HOXB3: variants seen among roughly 807,000 people sequenced by gnomAD.
The protein encoded by HOXB3 is homeobox protein Hox-B3.
Under a neutral mutation model 29.2 loss-of-function variants are expected in HOXB3, and 17 were observed. The ratio of observed to expected loss-of-function variants is 0.58; its 90% confidence interval spans 0.40 to 0.87. The LOEUF (loss-of-function observed/expected upper bound fraction) is 0.87, where lower values mean the gene tolerates loss of function less well. HOXB3 is among the 40% of genes least tolerant of loss of function. HOXB3 has a pLI of 0.00. For synonymous variants in HOXB3, 317 were observed against 285.9 expected, an observed-to-expected ratio of 1.11 and a Z score of -1.10; for missense variants, 637 against 616.3, an observed-to-expected ratio of 1.03 and a Z score of -0.35.
At chr17:48,565,792 T>A (rs891089793) in intron 2 of HOXB3, among the ~76,000 whole-genome samples, 1 of 152,194 alleles carries the variant, frequency 6.6e-6, no homozygotes, top group South Asian at 2.1e-4. Context: ...CCTTGTGAAT[T>A]GTGGGGCTCC....
rs1397270492 is a variant in HOXB3 at position 48,584,425 on chromosome 17, T to C, written c.-425+5700A>G. Among the ~76,000 whole-genome samples, 5 of 152,204 alleles carry C rather than the reference T, an allele frequency of 3.3e-5. No homozygotes were observed. In the East Asian group the frequency reaches 9.6e-4, roughly 29 times the overall value. Reference sequence around the variant, plus strand: ...CACCTTCCTGACACAGCCTGGGGGTTAAGGGTTCTTGAAAACAGGCCTGCC... The same window carrying C: ...CACCTTCCTGACACAGCCTGGGGGTCAAGGGTTCTTGAAAACAGGCCTGCC... On this transcript the variant is annotated intron_variant, in intron 1 of 4. Transcript: ENST00000498678.
intron 4 of HOXB3, among the ~76,000 whole-genome samples, 180 bp downstream of exon 4, chr17:48,551,847 G>C (rs1055595901): frequency 6.6e-6 from 1 of 152,230 alleles, no homozygotes; most frequent in Non-Finnish European, 1.5e-5. Context: ...CAGCTAGAGG[G>C]AGGAGGGTGT....
chr17:48,577,735 G>A (rs1383297356), intron 1 of HOXB3: 11 of 818,138 alleles, frequency 1.3e-5, no homozygotes, highest in Middle Eastern at 4.0e-4. Flanking sequence ...GTAAATCTCC[G>A]GCAATGGCGA....
intron 1 of HOXB3, chr17:48,577,115 C>T (rs2069790937): frequency 8.1e-7 from 1 of 1,229,628 alleles, no homozygotes; most frequent in Non-Finnish European, 1.1e-6. Flanking sequence ...TCCCTCCCTC[C>T]CTCTCCCGCC....
chr17:48,566,540 A>C (rs1379724396), intron 2 of HOXB3, among the ~76,000 whole-genome samples: 1 of 151,636 alleles, frequency 6.6e-6, no homozygotes, highest in Non-Finnish European at 1.5e-5. Flanking sequence ...AGGAGGGGAG[A>C]TGGAAAAGGG....
At chr17:48,564,217 T>C (rs1291880679) in intron 2 of HOXB3, among the ~76,000 whole-genome samples, 12 of 151,790 alleles carry the variant, frequency 7.9e-5, no homozygotes. Flanking sequence ...CACTTACCTG[T>C]GCGGTCTTCC....
intron 1 of HOXB3, among the ~76,000 whole-genome samples, chr17:48,585,299 G>A (rs1327898711): frequency 6.6e-6 from 1 of 152,202 alleles, no homozygotes; most frequent in Non-Finnish European, 1.5e-5. Flanking sequence ...CGAGGTTGCC[G>A]GATGAGGAGA....
At chr17:48,583,324 C>A (rs1027993004) in intron 1 of HOXB3, among the ~76,000 whole-genome samples, 17 of 152,164 alleles carry the variant, frequency 1.1e-4, no homozygotes, top group African/African-American at 4.1e-4. Flanking sequence ...AATACAGTAA[C>A]ACTTTTGCCT....
At chr17:48,571,052 G>A (rs2069568664) in intron 2 of HOXB3, among the ~76,000 whole-genome samples, 1 of 152,160 alleles carries the variant, frequency 6.6e-6, no homozygotes. Flanking sequence ...AAAATGACAC[G>A]AAGGCACGCC....
At chr17:48,577,364 C>G (rs531681555) in intron 1 of HOXB3, among the ~76,000 whole-genome samples, 86 of 152,250 alleles carry the variant, frequency 5.6e-4, no homozygotes, top group African/African-American at 2.0e-3. Context: ...GGAGGTTTCC[C>G]TAAACCTTTC....
Position 48,587,771 on chromosome 17 carries a change from T to C in HOXB3, c.-425+2354A>G, listed in dbSNP as rs763261166. Among the ~76,000 whole-genome samples, 6 of 152,200 alleles carry C rather than the reference T, an allele frequency of 3.9e-5. No homozygotes were observed. The East Asian group carries it at 9.6e-4, about 24-fold the overall frequency. ...ACTTCTTTATACTTCCTCCCACCCA[T>C]TGGCCTCAGAGAAACAAAACAAAAC... is the stretch of plus-strand genomic sequence containing the variant. On this transcript the variant is annotated intron_variant, in intron 1 of 4. Transcript: ENST00000498678.
chr17:48,559,107 T>C (rs1000940087), intron 2 of HOXB3, among the ~76,000 whole-genome samples: 3 of 152,122 alleles, frequency 2.0e-5, no homozygotes, highest in Non-Finnish European at 2.9e-5. Context: ...ATTCCGTTTC[T>C]TCAGAGCCAG....
At chr17:48,566,733 A>G (rs530040050) in intron 2 of HOXB3, among the ~76,000 whole-genome samples, 48 of 152,246 alleles carry the variant, frequency 3.2e-4, no homozygotes, top group African/African-American at 8.7e-4. Context: ...CCTCCTCCCC[A>G]TGGAAGAAGT....
intron 2 of HOXB3, among the ~76,000 whole-genome samples, chr17:48,563,849 C>T (rs780776578): frequency 8.5e-5 from 13 of 152,118 alleles, no homozygotes; most frequent in Admixed American, 3.3e-4. Context: ...CGGTCGCCCC[C>T]CAACCCCACT....
At chr17:48,564,558 G>A (rs1422883976) in intron 2 of HOXB3, among the ~76,000 whole-genome samples, 1 of 152,262 alleles carries the variant, frequency 6.6e-6, no homozygotes, top group Non-Finnish European at 1.5e-5. Context: ...CAGGGCTGCG[G>A]GAACCCCGGG....
chr17:48,576,333 A>T (rs531181271), intron 1 of HOXB3: 1 of 161,476 alleles, frequency 6.2e-6, no homozygotes, highest in South Asian at 2.0e-4. Context: ...AACAAGACAG[A>T]TGGGCCTGGA....
intron 1 of HOXB3, chr17:48,576,890 G>A: frequency 5.0e-6 from 8 of 1,614,214 alleles, no homozygotes; most frequent in Non-Finnish European, 6.8e-6. Context: ...AGAGCGCGTG[G>A]GCGATCTCCA....
intron 2 of HOXB3, among the ~76,000 whole-genome samples, chr17:48,573,091 G>A (rs1427841959): frequency 6.6e-6 from 1 of 152,194 alleles, no homozygotes; most frequent in Non-Finnish European, 1.5e-5. Context: ...CTGCAGAGGA[G>A]AGAACAGAGA....
chr17:48,554,513 G>T lies in HOXB3; in HGVS notation c.-159+1018C>A. 1.6e-6 allele frequency: 1 copy of T among 642,644 alleles called. No individual in the cohort carries two copies. 39.8% of individuals were successfully genotyped at this position (642,644 alleles called of 1,614,324 possible). On this transcript the variant is annotated intron_variant, in intron 3 of 4. Coordinates refer to ENST00000498678, the MANE Select transcript of HOXB3 (RefSeq NM_001384749.1). This position sits in a 1 kb window ranked among gnomAD's most constrained non-coding sequence, Gnocchi z 4.1. The stretch of plus-strand genomic sequence containing the variant: ...GATAGGAAAGAATGGAGACTCCGCC[G>T]GTGGTGCAGACAGGGCTGGGAAGGT...
Sources: gnomAD v4.1 joint callset for allele counts (sites outside exome capture counted in the v4.1 genomes callset) on GRCh38, gnomAD v4.1.1 for gene constraint, Gnocchi (gnomAD v3.1) non-coding constraint, MANE v1.5 for transcripts, NCBI Gene and HGNC (gene_info 2026-07-23, HGNC 2026-07-21) for gene names.